RBFOX1: variants seen among roughly 807,000 people sequenced by gnomAD.
The protein encoded by RBFOX1 is RNA binding fox-1 homolog 1.
A neutral mutation model predicts 57.7 loss-of-function variants in RBFOX1; 8 were observed. The ratio of observed to expected loss-of-function variants is 0.14; its 90% CI spans 0.08 to 0.25. The LOEUF (loss-of-function observed/expected upper bound fraction) is 0.25, where lower values mean the gene tolerates loss of function less well. RBFOX1 is among the 10% of genes least tolerant of loss of function. The pLI, the probability that RBFOX1 is intolerant of heterozygous loss-of-function variation, is 1.00. For synonymous variants in RBFOX1, 326 were observed against 222.4 expected, an observed-to-expected ratio of 1.47 and a Z score of -4.15; for missense variants, 611 against 548.5, an observed-to-expected ratio of 1.11 and a Z score of -1.14.
intron 1 of RBFOX1, chr16:6,039,105 G>C (rs953203946): frequency 1.3e-5 from 2 of 151,844 alleles, no homozygotes; most frequent in Non-Finnish European, 2.9e-5. Context: ...TGCATAGCGG[G>C]GAGAAGGGAC....
chr16:6,808,729 C>T (rs1406787145), intron 3 of RBFOX1, among the ~76,000 whole-genome samples: 1 of 152,122 alleles, frequency 6.6e-6, no homozygotes, highest in Non-Finnish European at 1.5e-5. Context: ...TAATACTGTT[C>T]TTTTCTCCAC....
intron 4 of RBFOX1, among the ~76,000 whole-genome samples, chr16:7,117,514 C>G (rs2066175344): frequency 6.6e-6 from 1 of 152,108 alleles, no homozygotes; most frequent in East Asian, 1.9e-4. Flanking sequence ...AACTTACCAC[C>G]AATTACTTAA....
intron 1 of RBFOX1, among the ~76,000 whole-genome samples, chr16:5,392,950 C>G (rs918495177): frequency 3.9e-5 from 6 of 151,994 alleles, no homozygotes; most frequent in Non-Finnish European, 5.9e-5. Context: ...TTTTTCATTC[C>G]ACATATCTTT....
chr16:7,481,269 G>A (rs973302414), intron 4 of RBFOX1, among the ~76,000 whole-genome samples: 1 of 152,162 alleles, frequency 6.6e-6, no homozygotes, highest in Admixed American at 6.5e-5. Flanking sequence ...TCTTCAGGGT[G>A]CTTACGGTTT....
intron 2 of RBFOX1, among the ~76,000 whole-genome samples, chr16:6,549,245 T>G (rs1253957937): frequency 0.014 from 40 of 2,824 alleles, no homozygotes; most frequent in African/African-American, 0.019. Context: ...GAGGAGGGAG[T>G]AGGAGGAGGG....
intron 3 of RBFOX1, among the ~76,000 whole-genome samples, chr16:7,031,898 G>A (rs552148306): frequency 1.2e-3 from 189 of 152,216 alleles, no homozygotes; most frequent in African/African-American, 4.2e-3. Context: ...ATCTCTCCCT[G>A]ATCAGTATAA....
In RBFOX1 at chr16:7,146,552, G is replaced by A. The variant is rs548105864; in HGVS notation, c.27+94454G>A. Among the ~76,000 whole-genome samples the A allele has an allele frequency of 2.0e-5, 3 of 152,180 alleles. No individual in the cohort carries two copies. In the East Asian group the frequency reaches 5.8e-4, roughly 29 times the overall value. On this transcript the variant is annotated intron_variant, in intron 4 of 15. Transcript: ENST00000550418. Reference sequence around the variant, plus strand: ...GAGTTAACTTTTGTATTTCTTTCAGGTCTTCTTGGGTTTCTCATTGAAACA... The same window carrying A: ...GAGTTAACTTTTGTATTTCTTTCAGATCTTCTTGGGTTTCTCATTGAAACA...
intron 3 of RBFOX1, among the ~76,000 whole-genome samples, chr16:5,763,391 C>T (rs374068474): frequency 6.6e-6 from 1 of 152,302 alleles, no homozygotes; most frequent in East Asian, 1.9e-4. Flanking sequence ...GCGATGCAAA[C>T]GTGTGTCCTC....
chr16:5,789,821 C>T (rs1387480055), intron 3 of RBFOX1, among the ~76,000 whole-genome samples: 1 of 152,292 alleles, frequency 6.6e-6, no homozygotes, highest in Admixed American at 6.5e-5. Context: ...GCCAGGCCAA[C>T]CTTCCTGAAT....
chr16:5,443,501 C>G (rs1437760912), intron 1 of RBFOX1, among the ~76,000 whole-genome samples: 9 of 152,216 alleles, frequency 5.9e-5, no homozygotes, highest in African/African-American at 2.2e-4. Flanking sequence ...CCACGCCCAG[C>G]TAATATTTTT....
chr16:6,654,121 TGG>T lies in RBFOX1; in HGVS notation c.-63-480_-63-479del, dbSNP rs398058061. On this transcript the variant is annotated intron_variant, in intron 2 of 15. Coordinates refer to ENST00000550418, the MANE Select transcript of RBFOX1 (RefSeq NM_018723.4). ...ATGGCTGTTTGGGTGGATGGATGGA[TGG>T]GTAGAGGACCAATGAATGAATGGAG... Among the ~76,000 whole-genome samples the T allele has an allele frequency of 8.6e-5, 13 of 151,604 alleles. No homozygotes were observed. In the East Asian group the frequency reaches 2.3e-3, roughly 27 times the overall value.
chr16:6,931,285 C>T (rs1443743866), intron 3 of RBFOX1, among the ~76,000 whole-genome samples: 1 of 113,004 alleles, frequency 8.8e-6, no homozygotes, highest in Non-Finnish European at 1.8e-5. Flanking sequence ...ATCTATCTGT[C>T]TGTCTGTCTG....
rs145070141 is a variant in RBFOX1 at position 6,442,365 on chromosome 16, G to C, written c.-64+125308G>C. Among the ~76,000 whole-genome samples the C allele has an allele frequency of 6.6e-4, 100 of 152,244 alleles. 1 individual carries two copies. Among genetic ancestry groups the C allele is most frequent in the African/African-American group, 2.3e-3 (94 of 41,536 alleles). ...GAGGTCAAGAGATTGAGACCATCCAGACCAACATGGTGAAAATCCTGTCTC... is the reference window on the plus strand; with the variant it reads ...GAGGTCAAGAGATTGAGACCATCCACACCAACATGGTGAAAATCCTGTCTC... On this transcript the variant is annotated intron_variant, in intron 2 of 15. Transcript: ENST00000550418.
chr16:6,990,910 G>A (rs1203351668), intron 3 of RBFOX1, among the ~76,000 whole-genome samples: 1 of 152,018 alleles, frequency 6.6e-6, no homozygotes, highest in Non-Finnish European at 1.5e-5. Flanking sequence ...ATAGAAAAGT[G>A]ACTCTCGCAA....
intron 5 of RBFOX1, among the ~76,000 whole-genome samples, chr16:7,564,050 G>A (rs566791290): frequency 1.3e-5 from 2 of 152,274 alleles, no homozygotes; most frequent in African/African-American, 4.8e-5. Flanking sequence ...TAACACAGCT[G>A]TGGACTGAAT....
chr16:7,251,957 G>C (rs1313918180), intron 4 of RBFOX1, among the ~76,000 whole-genome samples: 1 of 152,104 alleles, frequency 6.6e-6, no homozygotes, highest in East Asian at 1.9e-4. Flanking sequence ...CCCACCAACA[G>C]TGGGGCACTG....
chr16:7,419,839 C>A (rs1445000101), intron 4 of RBFOX1, among the ~76,000 whole-genome samples: 1 of 151,612 alleles, frequency 6.6e-6, no homozygotes, highest in Admixed American at 6.6e-5. Context: ...GGAGGCATGT[C>A]CTTTTTTTTC....
intron 2 of RBFOX1, among the ~76,000 whole-genome samples, chr16:5,541,650 G>A (rs972833666): frequency 3.9e-5 from 6 of 152,202 alleles, no homozygotes; most frequent in African/African-American, 1.2e-4. Context: ...TTGGCCCTGA[G>A]CAGTTCCCAG....
chr16:7,165,324 G>A (rs1438312900), intron 4 of RBFOX1, among the ~76,000 whole-genome samples: 2 of 150,960 alleles, frequency 1.3e-5, no homozygotes, highest in Non-Finnish European at 2.9e-5. Flanking sequence ...GGAATGGGCT[G>A]TGCCCACCCA....
Sources: gnomAD v4.1 joint callset for allele counts (sites outside exome capture counted in the v4.1 genomes callset) on GRCh38, gnomAD v4.1.1 for gene constraint, MANE v1.5 for transcripts, NCBI Gene and HGNC (gene_info 2026-07-23, HGNC 2026-07-21) for gene names.